Variants in ZNF804A observed in about 807,000 individuals in gnomAD.
ZNF804A encodes zinc finger protein 804A.
In ZNF804A, 2 loss-of-function variants were observed where a neutral mutation model predicts 16.5. The observed-to-expected ratio is 0.12, with a 90% CI of 0.05 to 0.38. ZNF804A has a LOEUF of 0.38. Ranked by LOEUF, ZNF804A falls within the 10% of genes least tolerant of loss-of-function variation. The probability of loss-of-function intolerance (pLI) is 0.99; values close to 1 mark genes in which losing one functional copy is unlikely to be tolerated. For missense variants in ZNF804A, 1,473 were observed against 1,390.7 expected (o/e 1.06, Z -0.94); for synonymous variants, 534 against 489.6 (o/e 1.09, Z -1.20).
intron 1 of ZNF804A, among the ~76,000 whole-genome samples, chr2:184,809,125 A>G (rs1385871074): frequency 6.6e-6 from 1 of 151,904 alleles, no homozygotes; most frequent in African/African-American, 2.4e-5. Flanking sequence ...CAGTTTTGGA[A>G]AGGGATATAT....
intron 1 of ZNF804A, among the ~76,000 whole-genome samples, chr2:184,825,568 ATAT>A (rs1468577052): frequency 6.6e-6 from 1 of 152,102 alleles, no homozygotes; most frequent in African/African-American, 2.4e-5. Context: ...AAGGAACAAC[ATAT>A]TATTATATCT....
intron 1 of ZNF804A, among the ~76,000 whole-genome samples, chr2:184,747,321 C>CAA (rs397986917): frequency 0.039 from 3,026 of 77,900 alleles, 103 homozygotes; most frequent in Middle Eastern, 0.058. Flanking sequence ...AATCTTGCTG[C>CAA]AAAAAAAAAA....
chr2:184,689,051 C>T (rs1692688736), intron 1 of ZNF804A, among the ~76,000 whole-genome samples: 2 of 151,974 alleles, frequency 1.3e-5, no homozygotes, highest in Non-Finnish European at 2.9e-5. Flanking sequence ...CACATATACA[C>T]ACTAGTAGAA....
chr2:184,824,274 A>G (rs1240784512), intron 1 of ZNF804A, among the ~76,000 whole-genome samples: 3 of 152,188 alleles, frequency 2.0e-5, no homozygotes, highest in East Asian at 1.9e-4. Context: ...CCATGACAAT[A>G]TATATTTTTT....
At chr2:184,918,937 G>A (rs1217259390) in intron 2 of ZNF804A, among the ~76,000 whole-genome samples, 1 of 151,964 alleles carries the variant, frequency 6.6e-6, no homozygotes, top group African/African-American at 2.4e-5. Context: ...CCATTCTTTG[G>A]TTTTTTGAAG....
chr2:184,654,158 A>G (rs1284133661), intron 1 of ZNF804A, among the ~76,000 whole-genome samples: 2 of 152,196 alleles, frequency 1.3e-5, no homozygotes, highest in African/African-American at 2.4e-5. Context: ...TACAGCCTAT[A>G]TCTTCAGCTT....
intron 1 of ZNF804A, among the ~76,000 whole-genome samples, chr2:184,765,971 C>T (rs965734875): frequency 2.6e-5 from 4 of 151,794 alleles, no homozygotes; most frequent in Admixed American, 1.3e-4. Context: ...TAACACTTGC[C>T]GTCATGTTAT....
intron 1 of ZNF804A, among the ~76,000 whole-genome samples, chr2:184,618,473 A>G (rs1348680054): frequency 6.6e-6 from 1 of 152,138 alleles, no homozygotes; most frequent in African/African-American, 2.4e-5. Context: ...TTAATAAAAG[A>G]TATGATTTTG....
At position 184,939,135 on chromosome 2, in the gene ZNF804A, G is replaced by C; in HGVS notation, c.*109G>C. The C allele has an allele frequency of 7.4e-7, 1 of 1,352,284 alleles. No homozygotes were observed. Among genetic ancestry groups the C allele is most frequent in the Non-Finnish European group, 1.0e-6 (1 of 993,534 alleles). The allele number at this position is 1,352,284 out of a possible 1,614,324, so 83.8% of individuals were successfully genotyped here. The stretch of plus-strand genomic sequence containing the variant: ...TTTAACTGGTGGAAATAAACTGGCC[G>C]ATACATGGCGTCATTGGTTTGAAAT... On this transcript the variant is annotated 3_prime_UTR_variant, in exon 4 of 4. Transcript: ENST00000302277.
intron 1 of ZNF804A, among the ~76,000 whole-genome samples, chr2:184,782,114 C>T (rs1178882781): frequency 6.6e-6 from 1 of 151,658 alleles, no homozygotes; most frequent in East Asian, 1.9e-4. Context: ...TCTTTGAGGG[C>T]CTTATCTTCA....
At chr2:184,825,743 A>T (rs1363866415) in intron 1 of ZNF804A, among the ~76,000 whole-genome samples, 2 of 152,160 alleles carry the variant, frequency 1.3e-5, no homozygotes, top group African/African-American at 2.4e-5. Context: ...CATTACTGGG[A>T]GTTGATACAG....
chr2:184,863,338 C>T (rs768626166), intron 1 of ZNF804A, among the ~76,000 whole-genome samples: 11 of 152,088 alleles, frequency 7.2e-5, no homozygotes, highest in Non-Finnish European at 1.5e-4. Flanking sequence ...GTTAATACAT[C>T]CAAATTATTC....
chr2:184,875,633 C>A (rs16826259), intron 2 of ZNF804A, among the ~76,000 whole-genome samples: 6,106 of 152,080 alleles, frequency 0.04, 393 homozygotes, highest in African/African-American at 0.14. Context: ...TGTACAGAGA[C>A]GGTGTCCATC....
At chr2:184,678,475 T>C (rs1409162949) in intron 1 of ZNF804A, among the ~76,000 whole-genome samples, 1 of 152,152 alleles carries the variant, frequency 6.6e-6, no homozygotes, top group African/African-American at 2.4e-5. Flanking sequence ...AAAGTCACCG[T>C]AGCAACTTTG....
chr2:184,792,242 C>T (rs1043418860), intron 1 of ZNF804A, among the ~76,000 whole-genome samples: 1 of 152,132 alleles, frequency 6.6e-6, no homozygotes, highest in Non-Finnish European at 1.5e-5. Flanking sequence ...AACCACTGAA[C>T]TGTTTCTTCA....
intron 1 of ZNF804A, among the ~76,000 whole-genome samples, chr2:184,663,891 G>C (rs1692218348): frequency 6.6e-6 from 1 of 152,156 alleles, no homozygotes; most frequent in Admixed American, 6.5e-5. Context: ...TAATTCAACA[G>C]TTTTCAAAAA....
intron 1 of ZNF804A, among the ~76,000 whole-genome samples, chr2:184,761,674 A>G (rs1694038296): frequency 6.6e-6 from 1 of 152,156 alleles, no homozygotes; most frequent in African/African-American, 2.4e-5. Context: ...AACAAAAACA[A>G]GTTCTCAACC....
intron 1 of ZNF804A, among the ~76,000 whole-genome samples, chr2:184,780,172 AG>A (rs1160912060): frequency 6.6e-6 from 1 of 151,816 alleles, no homozygotes; most frequent in Non-Finnish European, 1.5e-5. Context: ...GTTTCCACAC[AG>A]GTGCCAGGTT....
intron 1 of ZNF804A, among the ~76,000 whole-genome samples, chr2:184,789,056 G>A (rs573029204): frequency 6.6e-6 from 1 of 152,110 alleles, no homozygotes; most frequent in South Asian, 2.1e-4. Flanking sequence ...AAGTGATGGT[G>A]GATGTTATCG....
Sources: allele counts gnomAD v4.1 joint callset (sites outside exome capture counted in the v4.1 genomes callset), GRCh38; gene constraint gnomAD v4.1.1; transcripts MANE v1.5; gene names NCBI Gene and HGNC (gene_info 2026-07-23, HGNC 2026-07-21).